DSCAML1: variants seen among roughly 807,000 people sequenced by gnomAD.
DSCAML1 encodes cell adhesion molecule DSCAML1.
DSCAML1 carries 38 observed loss-of-function variants against 200.5 expected under a neutral mutation model. The observed-to-expected ratio is 0.19, with a 90% CI of 0.15 to 0.25. The LOEUF (loss-of-function observed/expected upper bound fraction) is 0.25, where lower values mean the gene tolerates loss of function less well. Among genes scored for constraint, DSCAML1 ranks in the 10% least tolerant of loss-of-function variants. DSCAML1 has a pLI of 1.00. For synonymous variants in DSCAML1, 1,215 were observed against 1,165.0 expected, an observed-to-expected ratio of 1.04 and a Z score of -0.87; for missense variants, 2,223 against 2,858.8, an observed-to-expected ratio of 0.78 and a Z score of 5.07.
intron 3 of DSCAML1, among the ~76,000 whole-genome samples, chr11:117,737,822 C>G (rs1318782854): frequency 1.3e-5 from 2 of 152,176 alleles, no homozygotes; most frequent in African/African-American, 4.8e-5. Flanking sequence ...TGGGAGCAAC[C>G]AGAGGGAAGC....
At chr11:117,546,393 C>G (rs1022056924) in intron 3 of DSCAML1, among the ~76,000 whole-genome samples, 3 of 152,222 alleles carry the variant, frequency 2.0e-5, no homozygotes, top group African/African-American at 7.2e-5. Flanking sequence ...TGGTACATAA[C>G]AGGTGATCAG....
chr11:117,589,314 C>T (rs1207812714), intron 3 of DSCAML1, among the ~76,000 whole-genome samples: 2 of 152,206 alleles, frequency 1.3e-5, no homozygotes, highest in Non-Finnish European at 1.5e-5. Flanking sequence ...CCTCCTGTCA[C>T]GCAGCTATTT....
At chr11:117,812,035 G>C (rs2055765723) in intron 1 of DSCAML1, among the ~76,000 whole-genome samples, 1 of 152,028 alleles carries the variant, frequency 6.6e-6, no homozygotes, top group South Asian at 2.1e-4. Flanking sequence ...TCCCTTATTA[G>C]GCCGAGATAT....
At chr11:117,641,088 G>T (rs1007246959) in intron 3 of DSCAML1, among the ~76,000 whole-genome samples, 13 of 152,216 alleles carry the variant, frequency 8.5e-5, no homozygotes, top group Admixed American at 5.2e-4. Flanking sequence ...CACTCCATCT[G>T]GCAGGGCAAG....
At chr11:117,649,296 T>C (rs949923407) in intron 3 of DSCAML1, among the ~76,000 whole-genome samples, 1 of 152,148 alleles carries the variant, frequency 6.6e-6, no homozygotes, top group Non-Finnish European at 1.5e-5. Flanking sequence ...CAGGCTGGTC[T>C]CGAACTCCTG....
chr11:117,603,188 C>A (rs1156722663), intron 3 of DSCAML1, among the ~76,000 whole-genome samples: 1 of 152,226 alleles, frequency 6.6e-6, no homozygotes, highest in East Asian at 1.9e-4. Flanking sequence ...GTCTCCCAAC[C>A]TGGCTATGGT....
At chr11:117,564,705 TCTTC>T (rs1234167094) in intron 3 of DSCAML1, among the ~76,000 whole-genome samples, 1 of 150,640 alleles carries the variant, frequency 6.6e-6, no homozygotes, top group Admixed American at 6.6e-5. Context: ...TTCCTTCCTT[TCTTC>T]CTTCTTTCCT....
intron 3 of DSCAML1, among the ~76,000 whole-genome samples, chr11:117,561,610 G>A (rs1018055639): frequency 7.9e-5 from 12 of 152,156 alleles, no homozygotes; most frequent in African/African-American, 2.7e-4. Context: ...GCCTTTGCAT[G>A]TGCAGGTCCC....
chr11:117,537,951 C>A (rs1411211322), intron 3 of DSCAML1, among the ~76,000 whole-genome samples: 2 of 152,216 alleles, frequency 1.3e-5, no homozygotes, highest in African/African-American at 4.8e-5. Context: ...TTTCTCATGG[C>A]AGCTCTGGGC....
intron 3 of DSCAML1, among the ~76,000 whole-genome samples, chr11:117,576,877 G>A (rs995233987): frequency 6.6e-6 from 1 of 152,222 alleles, no homozygotes; most frequent in Non-Finnish European, 1.5e-5. Context: ...AGGAGTCACA[G>A]ACCTGGTGGC....
In DSCAML1 at chr11:117,761,962, C is replaced by G. The variant is rs551642024; in HGVS notation, c.511+14829G>C. On this transcript the variant is annotated intron_variant, in intron 3 of 32. Transcript: ENST00000651296. ...GACTAAAAGAGTCAGTTATATCAAG[C>G]TATTCACACAGTGCCTGGCACATGG... 2.4e-4 allele frequency among the ~76,000 whole-genome samples: 37 copies of G among 152,328 alleles called. 1 individual carries two copies. In the South Asian group the frequency reaches 6.6e-3, roughly 27 times the overall value.
In DSCAML1 at chr11:117,435,671, T is replaced by C. The variant is rs1301487104; in HGVS notation, c.4849A>G (p.Lys1617Glu). ...CGGAGTCGCTTCAGCCGTTTCTCCT[T>C]CCTCTTCTTGCGTACGATGAAGAGC... Reference protein sequence around the residue: ...ALLFIVRKKRKEKRLKRLRDA... With the variant: ...ALLFIVRKKREEKRLKRLRDA... The change falls in exon 27 of 33, where the codon AAG (lysine) becomes GAG (glutamate). Residue 1617 changes from lysine to glutamate, a missense_variant. By Grantham distance (56) the Lys-to-Glu change is moderately conservative. Around this residue, in one of 7 missense-constraint regions of DSCAML1, gnomAD observed 614 missense variants for 739.1 expected, o/e 0.83. Coordinates refer to ENST00000651296, the MANE Select transcript of DSCAML1 (RefSeq NM_020693.4). 2 of 1,604,820 alleles carry C rather than the reference T, an allele frequency of 1.2e-6. No homozygotes were observed. The highest frequency in any genetic ancestry group is 2.7e-5 in the African/African-American group (2 of 74,802).
upstream of DSCAML1, chr11:117,797,358 A>C: frequency 9.1e-7 from 1 of 1,098,828 alleles, no homozygotes; most frequent in Middle Eastern, 3.3e-4. Flanking sequence ...CCCCAGCCCC[A>C]CAAGCCCAGG....
chr11:117,582,869 G>T (rs1158232332), intron 3 of DSCAML1, among the ~76,000 whole-genome samples: 3 of 152,196 alleles, frequency 2.0e-5, no homozygotes, highest in African/African-American at 7.2e-5. Context: ...AACATGGAAT[G>T]ATTTCAGTAT....
chr11:117,737,961 T>C (rs974226381), intron 3 of DSCAML1, among the ~76,000 whole-genome samples: 2 of 152,132 alleles, frequency 1.3e-5, no homozygotes, highest in Non-Finnish European at 2.9e-5. Context: ...CAGGCAGTGA[T>C]ATGATCAGAT....
chr11:117,580,401 CTG>C (rs986190651), intron 3 of DSCAML1, among the ~76,000 whole-genome samples: 2 of 152,228 alleles, frequency 1.3e-5, no homozygotes, highest in African/African-American at 4.8e-5. Context: ...TTACTCTGGA[CTG>C]TGTGTTGGCT....
chr11:117,686,066 T>G lies in DSCAML1; in HGVS notation c.511+90725A>C, dbSNP rs537909555. Among the ~76,000 whole-genome samples, 195 of 152,012 alleles carry G rather than the reference T, an allele frequency of 1.3e-3. 1 individual carries two copies. Among genetic ancestry groups the G allele is most frequent in the African/African-American group, 4.3e-3 (177 of 41,462 alleles). On this transcript the variant is annotated intron_variant, in intron 3 of 32. Transcript: ENST00000651296. The stretch of plus-strand genomic sequence containing the variant: ...GGACAAGGCTGCAGGGAAGAGAAGG[T>G]GAGATCCAGAATTGAGGTACCAGGT...
intron 3 of DSCAML1, among the ~76,000 whole-genome samples, chr11:117,612,617 C>T (rs2051719109): frequency 6.6e-6 from 1 of 152,182 alleles, no homozygotes; most frequent in African/African-American, 2.4e-5. Context: ...CCCTGAATCC[C>T]ACTGCCAGCG....
intron 3 of DSCAML1, among the ~76,000 whole-genome samples, chr11:117,748,689 A>C (rs967149027): frequency 2.0e-5 from 3 of 152,172 alleles, no homozygotes; most frequent in Non-Finnish European, 4.4e-5. Context: ...GTAGTGTTGC[A>C]TGTTGCCCAG....
Sources: gnomAD v4.1 joint callset for allele counts (sites outside exome capture counted in the v4.1 genomes callset) on GRCh38, gnomAD v4.1.1 for gene constraint, gnomAD v4.1.1 regional missense constraint, MANE v1.5 for transcripts, NCBI Gene and HGNC (gene_info 2026-07-23, HGNC 2026-07-21) for gene names.